Variants in DARS1 observed in about 807,000 individuals in gnomAD.
The protein encoded by DARS1 is aspartate--tRNA ligase, cytoplasmic.
A neutral mutation model predicts 68.8 loss-of-function variants in DARS1; 51 were observed. The ratio of observed to expected loss-of-function variants is 0.74; its 90% CI spans 0.59 to 0.94. The LOEUF (loss-of-function observed/expected upper bound fraction) is 0.94. Among genes scored for constraint, DARS1 ranks in the 40% least tolerant of loss-of-function variants. The pLI is 0.00. For missense variants in DARS1, 607 were observed against 597.3 expected (o/e 1.02, Z -0.17); for synonymous variants, 203 against 190.4 (o/e 1.07, Z -0.55).
At chr2:135,982,671 T>G (rs1313309864) in intron 2 of DARS1, among the ~76,000 whole-genome samples, 1 of 151,392 alleles carries the variant, frequency 6.6e-6, no homozygotes, top group Non-Finnish European at 1.5e-5. Flanking sequence ...AAAGATAGAC[T>G]GGGGTCTAAG....
At position 135,911,434 on chromosome 2, in the gene DARS1, T is replaced by C. The variant is rs755889779; in HGVS notation, c.1290A>G (p.Gln430=). Residue 430 remains glutamine (Q), a synonymous_variant, in exon 14 of 16, where the codon CAA becomes CAG. Coordinates refer to ENST00000264161, the MANE Select transcript of DARS1 (RefSeq NM_001349.4). ...TTAGCAGTTGAGGATCATGTATTCT[T>C]TGAGCTCCTGACAATATTTCTTCTC... The part of the protein sequence containing the change: ...MRGEEILSGA[Q]RIHDPQLLTE... 3.6e-6 allele frequency: 4 copies of C among 1,110,280 alleles called. No individual in the cohort carries two copies. The highest frequency in any genetic ancestry group is 5.6e-6 in the Non-Finnish European group (4 of 719,074). The allele number at this position is 1,110,280 out of a possible 1,614,324, so 68.8% of individuals were successfully genotyped here.
At chr2:135,958,981 A>G (rs909317103) in intron 4 of DARS1, among the ~76,000 whole-genome samples, 7 of 152,184 alleles carry the variant, frequency 4.6e-5, no homozygotes. Flanking sequence ...CTTAAAAAAA[A>G]AAAAATCAAG....
chr2:135,961,426 G>A lies in DARS1; in HGVS notation c.290C>T (p.Ala97Val). Residue 97 changes from alanine to valine, a missense_variant, in exon 4 of 16, where the codon GCA becomes GTA. By Grantham distance (64) the Ala-to-Val change is moderately conservative (BLOSUM62 0). Coordinates refer to ENST00000264161, the MANE Select transcript of DARS1 (RefSeq NM_001349.4). Reference protein sequence around the residue: ...VQALVAVGDHASKQMVKFAAN... With the variant: ...VQALVAVGDHVSKQMVKFAAN... ...AGCAAATTTAACCATCTGCTTGCTT[G>A]CATGGTCTCCCACCGCCACAAGAGC... The A allele has an allele frequency of 6.6e-7, 1 of 1,508,622 alleles. No homozygotes were observed. Among genetic ancestry groups the A allele is most frequent in the Non-Finnish European group, 9.2e-7 (1 of 1,083,594 alleles). 93.5% of individuals were successfully genotyped at this position (1,508,622 alleles called of 1,614,324 possible). A position where few individuals can be genotyped will look rare whatever the true frequency, so the allele number is the denominator to read the frequency against.
At chr2:135,984,305 T>G (rs943195746) in intron 1 of DARS1, among the ~76,000 whole-genome samples, 1 of 152,188 alleles carries the variant, frequency 6.6e-6, no homozygotes, top group African/African-American at 2.4e-5. Context: ...ATTAAGCAGA[T>G]TAAGAGTACA....
In DARS1 at chr2:135,937,891, T is replaced by C. The variant is rs534234794; in HGVS notation, c.424-3901A>G. 3.3e-3 allele frequency among the ~76,000 whole-genome samples: 507 copies of C among 152,370 alleles called. 4 individuals carry two copies. Among genetic ancestry groups the C allele is most frequent in the African/African-American group, 0.011 (463 of 41,586 alleles). ...AGTCTGATGGGCTTCCCTTTGCGGG[T>C]AACCCGAGCTTTCTCTCTGGCTGCC... On this transcript the variant is annotated intron_variant, in intron 5 of 15. Coordinates refer to ENST00000264161, the MANE Select transcript of DARS1 (RefSeq NM_001349.4).
intron 4 of DARS1, among the ~76,000 whole-genome samples, chr2:135,948,881 A>AG (rs1486325586): frequency 1.3e-5 from 2 of 151,824 alleles, no homozygotes; most frequent in Admixed American, 6.6e-5. Context: ...CGTCTCCAAA[A>AG]AAAAAAAAAA....
At chr2:135,935,839 A>G (rs1304141919) in intron 5 of DARS1, among the ~76,000 whole-genome samples, 6 of 152,250 alleles carry the variant, frequency 3.9e-5, no homozygotes, top group Non-Finnish European at 8.8e-5. Context: ...AAAGGGAATT[A>G]TACTCTTCTA....
chr2:135,922,925 G>C lies in DARS1; in HGVS notation c.677-7C>G. On this transcript the variant is annotated splice_region_variant and splice_polypyrimidine_tract_variant and intron_variant, in intron 8 of 15. Transcript: ENST00000264161. ...GCTCCTCCTTCACTGGCAGCTGAAA[G>C]GTAAACATTTATATTTATATTATTA... 1 of 1,536,414 alleles carries C rather than the reference G, an allele frequency of 6.5e-7. No homozygotes were observed. Among genetic ancestry groups the C allele is most frequent in the Non-Finnish European group, 8.7e-7 (1 of 1,147,740 alleles).
At chr2:135,948,501 G>A (rs1186156325) in intron 4 of DARS1, among the ~76,000 whole-genome samples, 4 of 152,294 alleles carry the variant, frequency 2.6e-5, no homozygotes, top group East Asian at 1.9e-4. Context: ...ACCAGAGCAC[G>A]TGCTAAATAC....
At chr2:135,909,906 T>C (rs1256558220) in intron 15 of DARS1, among the ~76,000 whole-genome samples, 2 of 152,056 alleles carry the variant, frequency 1.3e-5, no homozygotes, top group African/African-American at 4.8e-5. Context: ...CAAAAAATGC[T>C]CATTGGAGCA....
intron 8 of DARS1, 62 bp from the exon 9 acceptor site, chr2:135,922,980 C>T (rs1681137865): frequency 3.0e-6 from 4 of 1,332,662 alleles, no homozygotes; most frequent in Non-Finnish European, 3.8e-6. Context: ...CAATGCAAAC[C>T]TCTAGTTAAA....
chr2:135,926,659 A>G (rs1575388010), intron 7 of DARS1, among the ~76,000 whole-genome samples: 1 of 152,250 alleles, frequency 6.6e-6, no homozygotes, highest in African/African-American at 2.4e-5. Flanking sequence ...AGAAAAACAA[A>G]TATTTCAAAA....
intron 3 of DARS1, among the ~76,000 whole-genome samples, chr2:135,965,458 A>G (rs575473951): frequency 6.6e-6 from 1 of 152,372 alleles, no homozygotes; most frequent in South Asian, 2.1e-4. Context: ...TAAATACCGT[A>G]TAAGGAAAAA....
intron 12 of DARS1, 37 bp from the exon 13 acceptor site, chr2:135,912,603 A>T: frequency 1.3e-6 from 1 of 747,864 alleles, no homozygotes; most frequent in Non-Finnish European, 2.3e-6. Flanking sequence ...ATACATTTTT[A>T]AAAAGTAAAA....
At chr2:135,912,364 A>G (rs1359220836) in intron 13 of DARS1, 122 bp downstream of exon 13, 1 of 502,806 alleles carries the variant, frequency 2.0e-6, no homozygotes, top group African/African-American at 2.0e-5. Context: ...CAATGGTAAT[A>G]CGTATGTCTA....
chr2:135,968,647 T>G (rs1170870861), intron 3 of DARS1, among the ~76,000 whole-genome samples: 1 of 149,032 alleles, frequency 6.7e-6, no homozygotes, highest in African/African-American at 2.5e-5. Context: ...AATGCCACAC[T>G]GGGGATTCAG....
At chr2:135,951,321 T>G (rs543665222) in intron 4 of DARS1, among the ~76,000 whole-genome samples, 2 of 152,164 alleles carry the variant, frequency 1.3e-5, no homozygotes, top group African/African-American at 4.8e-5. Flanking sequence ...TTCCAAAGAG[T>G]GGGTCATGTG....
rs554006824 is a variant in DARS1 at position 135,967,540 on chromosome 2, T to C, written c.218-6042A>G. On this transcript the variant is annotated intron_variant, in intron 3 of 15. Coordinates refer to ENST00000264161, the MANE Select transcript of DARS1 (RefSeq NM_001349.4). The stretch of plus-strand genomic sequence containing the variant: ...TAAGAAATTTCTCCTTGCTCCTATT[T>C]AAAACACTTCACTTTAGGGATGTTA... Among the ~76,000 whole-genome samples, 17 of 152,314 alleles carry C rather than the reference T, an allele frequency of 1.1e-4. No individual in the cohort carries two copies. In the East Asian group the frequency reaches 3.3e-3, roughly 29 times the overall value.
chr2:135,978,011 C>T (rs1376829714), intron 3 of DARS1, among the ~76,000 whole-genome samples: 1 of 151,318 alleles, frequency 6.6e-6, no homozygotes, highest in African/African-American at 2.4e-5. Context: ...GGCATGGTGG[C>T]GCATGCCTGT....
Sources: allele counts gnomAD v4.1 joint callset (sites outside exome capture counted in the v4.1 genomes callset), GRCh38; gene constraint gnomAD v4.1.1; transcripts MANE v1.5; gene names NCBI Gene and HGNC (gene_info 2026-07-23, HGNC 2026-07-21).